Variants in ZNF804B observed in about 807,000 individuals in gnomAD.
The protein encoded by ZNF804B is zinc finger 804B.
In ZNF804B, 80 loss-of-function variants were observed where a neutral mutation model predicts 101.4. The ratio of observed to expected loss-of-function variants is 0.79; its 90% CI spans 0.66 to 0.95. The LOEUF (loss-of-function observed/expected upper bound fraction) is 0.95, where lower values mean the gene tolerates loss of function less well. Among genes scored for constraint, ZNF804B ranks in the 40% least tolerant of loss-of-function variants. The probability of loss-of-function intolerance (pLI) is 0.00; values close to 1 mark genes in which losing one functional copy is unlikely to be tolerated. For missense variants in ZNF804B, 1,673 were observed against 1,561.9 expected, an observed-to-expected ratio of 1.07 and a Z score of -1.20; for synonymous variants, 622 against 558.8, an observed-to-expected ratio of 1.11 and a Z score of -1.59.
At chr7:88,963,349 C>T (rs1584041878) in intron 1 of ZNF804B, among the ~76,000 whole-genome samples, 1 of 151,134 alleles carries the variant, frequency 6.6e-6, no homozygotes, top group Non-Finnish European at 1.5e-5. Context: ...ACAGAGAGCA[C>T]GAAAGTAAGT....
intron 1 of ZNF804B, among the ~76,000 whole-genome samples, chr7:89,203,624 CAG>C (rs1421186223): frequency 4.6e-5 from 7 of 152,058 alleles, no homozygotes; most frequent in African/African-American, 1.4e-4. Flanking sequence ...AGAATTTCAA[CAG>C]ATAGAAGCCT....
intron 1 of ZNF804B, among the ~76,000 whole-genome samples, chr7:89,013,869 G>A (rs188128146): frequency 1.4e-4 from 22 of 152,142 alleles, no homozygotes; most frequent in African/African-American, 4.3e-4. Context: ...AACATACACC[G>A]TTTAACTTTC....
chr7:89,187,708 C>T lies in ZNF804B; in HGVS notation c.109-30447C>T, dbSNP rs531960690. On this transcript the variant is annotated intron_variant, in intron 1 of 3. Transcript: ENST00000333190. The stretch of plus-strand genomic sequence containing the variant: ...CCTGAATATTCAGATTCCTTTCCCT[C>T]GAATTCTTGTCTCACTTTCATATTT... Among the ~76,000 whole-genome samples the T allele has an allele frequency of 9.2e-5, 14 of 152,200 alleles. No individual in the cohort carries two copies. In the South Asian group the frequency reaches 2.9e-3, roughly 32 times the overall value.
intron 1 of ZNF804B, among the ~76,000 whole-genome samples, chr7:88,858,795 TA>T (rs1433460539): frequency 6.6e-6 from 1 of 152,164 alleles, no homozygotes; most frequent in Non-Finnish European, 1.5e-5. Flanking sequence ...ATTTTGAAAA[TA>T]ACTGTTAGCA....
chr7:89,077,718 G>T (rs1789635478), intron 1 of ZNF804B, among the ~76,000 whole-genome samples: 1 of 151,986 alleles, frequency 6.6e-6, no homozygotes, highest in South Asian at 2.1e-4. Context: ...GTATATTTTT[G>T]AATAAAAGAT....
chr7:88,928,583 C>T (rs1312068808), intron 1 of ZNF804B, among the ~76,000 whole-genome samples: 2 of 152,078 alleles, frequency 1.3e-5, no homozygotes, highest in South Asian at 2.1e-4. Flanking sequence ...TGAAGAGATC[C>T]AGGGGTGTTT....
At chr7:88,924,070 G>C (rs948887944) in intron 1 of ZNF804B, among the ~76,000 whole-genome samples, 3 of 151,996 alleles carry the variant, frequency 2.0e-5, no homozygotes, top group East Asian at 1.9e-4. Context: ...CCAGGATAGA[G>C]TTCCGAGAAT....
chr7:89,256,839 A>T (rs1789638473), intron 2 of ZNF804B, among the ~76,000 whole-genome samples: 1 of 152,196 alleles, frequency 6.6e-6, no homozygotes, highest in Admixed American at 6.5e-5. Context: ...TGGCTACAAC[A>T]GAGGCCTTTA....
intron 1 of ZNF804B, among the ~76,000 whole-genome samples, chr7:89,154,654 A>G (rs143903292): frequency 1.6e-4 from 24 of 152,230 alleles, no homozygotes; most frequent in African/African-American, 5.3e-4. Context: ...GTAGGATCTA[A>G]AAATCAAAGC....
rs192084808 is a variant in ZNF804B at position 89,048,699 on chromosome 7, A to G, written c.109-169456A>G. ...ACAGAAGAAATTATGTAAAGATTATAGAGACTGTTTATATAATTTTTTGAT... is the reference window on the plus strand; with the variant it reads ...ACAGAAGAAATTATGTAAAGATTATGGAGACTGTTTATATAATTTTTTGAT... On this transcript the variant is annotated intron_variant, in intron 1 of 3. Coordinates refer to ENST00000333190, the MANE Select transcript of ZNF804B (RefSeq NM_181646.5). 3.0e-3 allele frequency among the ~76,000 whole-genome samples: 452 copies of G among 152,082 alleles called. 4 individuals carry two copies. Among genetic ancestry groups the G allele is most frequent in the Middle Eastern group, 0.01 (3 of 294 alleles).
intron 2 of ZNF804B, among the ~76,000 whole-genome samples, chr7:89,249,267 A>C (rs1459644386): frequency 6.6e-6 from 1 of 152,264 alleles, no homozygotes; most frequent in African/African-American, 2.4e-5. Flanking sequence ...AAATTTAACA[A>C]TTGGCCAGTT....
intron 1 of ZNF804B, among the ~76,000 whole-genome samples, chr7:88,848,575 T>A (rs552393472): frequency 6.6e-6 from 1 of 151,942 alleles, no homozygotes; most frequent in Non-Finnish European, 1.5e-5. Flanking sequence ...CTGAAATGAT[T>A]GTAAAGTATA....
chr7:89,091,233 A>G (rs1484155464), intron 1 of ZNF804B, among the ~76,000 whole-genome samples: 1 of 148,772 alleles, frequency 6.7e-6, no homozygotes, highest in Non-Finnish European at 1.5e-5. Context: ...AAAAAAAAAA[A>G]AGTAAAGTCT....
At chr7:88,861,929 A>G (rs1791654563) in intron 1 of ZNF804B, among the ~76,000 whole-genome samples, 1 of 152,142 alleles carries the variant, frequency 6.6e-6, no homozygotes, top group Admixed American at 6.6e-5. Context: ...GGGATGGAGG[A>G]GAAGCAAGAG....
intron 1 of ZNF804B, among the ~76,000 whole-genome samples, chr7:89,110,146 T>G (rs1213282242): frequency 2.0e-5 from 3 of 152,080 alleles, no homozygotes; most frequent in Middle Eastern, 3.4e-3. Context: ...CAGTGGTAGG[T>G]GGGGTGCTAG....
intron 1 of ZNF804B, among the ~76,000 whole-genome samples, chr7:88,771,843 T>G (rs1790070261): frequency 6.6e-6 from 1 of 152,128 alleles, no homozygotes; most frequent in Non-Finnish European, 1.5e-5. Context: ...GAGTTTTCAT[T>G]ACTTGAGAGG....
intron 1 of ZNF804B, among the ~76,000 whole-genome samples, chr7:88,871,799 A>G (rs1175885043): frequency 6.6e-6 from 1 of 152,024 alleles, no homozygotes; most frequent in Non-Finnish European, 1.5e-5. Flanking sequence ...CTCCATCTCA[A>G]CTATAAAAAA....
intron 1 of ZNF804B, among the ~76,000 whole-genome samples, chr7:88,934,520 C>G (rs1375325963): frequency 6.6e-6 from 1 of 151,796 alleles, no homozygotes; most frequent in East Asian, 1.9e-4. Context: ...GAATAATATC[C>G]AGAATCTACA....
At chr7:89,061,592 T>C (rs1789380851) in intron 1 of ZNF804B, among the ~76,000 whole-genome samples, 2 of 152,232 alleles carry the variant, frequency 1.3e-5, no homozygotes, top group South Asian at 4.1e-4. Flanking sequence ...AGCAGGGATT[T>C]TGAAGTAAGA....
Sources: allele counts gnomAD v4.1 joint callset (sites outside exome capture counted in the v4.1 genomes callset), GRCh38; gene constraint gnomAD v4.1.1; transcripts MANE v1.5; gene names NCBI Gene and HGNC (gene_info 2026-07-23, HGNC 2026-07-21).